The following TTC6 variants were observed in gnomAD, a reference collection of about 807,000 sequenced individuals.
TTC6 encodes the protein tetratricopeptide repeat domain 6.
Under a neutral mutation model 210.4 loss-of-function variants are expected in TTC6, and 172 were observed. That is an observed-to-expected ratio of 0.82 (90% CI 0.72 to 0.93). The LOEUF (loss-of-function observed/expected upper bound fraction) is 0.93, where lower values mean the gene tolerates loss of function less well. Among genes scored for constraint, TTC6 ranks in the 40% least tolerant of loss-of-function variants. TTC6 has a pLI of 0.00. For missense variants in TTC6, 2,414 were observed against 2,318.1 expected, an observed-to-expected ratio of 1.04 and a Z score of -0.85; for synonymous variants, 804 against 819.6, an observed-to-expected ratio of 0.98 and a Z score of 0.32.
chr14:37,638,792 G>T (rs2139374348), intron 1 of TTC6, among the ~76,000 whole-genome samples: 1 of 152,204 alleles, frequency 6.6e-6, no homozygotes, highest in African/African-American at 2.4e-5. Context: ...TCTTAGAACT[G>T]AATATGAATC....
rs796546843 is a variant in TTC6, at chr14:37,762,816, G to A, written c.3266+9581G>A. Among the ~76,000 whole-genome samples the A allele has an allele frequency of 3.3e-5, 5 of 149,724 alleles. No individual in the cohort carries two copies. The South Asian group carries it at 1.1e-3, about 32-fold the overall frequency. ...TTTACACGTGTTGAACCAACCTTGTGTTACTAGGATTAATCCCGCTTGATC... is the reference window on the plus strand; with the variant it reads ...TTTACACGTGTTGAACCAACCTTGTATTACTAGGATTAATCCCGCTTGATC... On this transcript the variant is annotated intron_variant, in intron 14 of 30. Transcript: ENST00000553443.
At position 37,655,980 on chromosome 14, in the gene TTC6, C is replaced by A. The variant is rs114064031; in HGVS notation, c.940-24171C>A. On this transcript the variant is annotated intron_variant, in intron 1 of 30. Transcript: ENST00000553443. ...TTGTAAGGTGTTCATCAATGCCTGG[C>A]ACACTGTAAGTGTTCAATAATAGCT... Among the ~76,000 whole-genome samples, 393 of 152,124 alleles carry A rather than the reference C, an allele frequency of 2.6e-3. 4 individuals carry two copies. The highest frequency in any genetic ancestry group is 8.8e-3 in the African/African-American group (364 of 41,500).
chr14:37,722,858 T>C (rs971807737), intron 6 of TTC6, among the ~76,000 whole-genome samples: 16 of 152,140 alleles, frequency 1.1e-4, no homozygotes, highest in Non-Finnish European at 2.4e-4. Flanking sequence ...AAAGTCACCA[T>C]ACACAGCCAC....
At chr14:37,835,614 T>A (rs1413238813) in intron 29 of TTC6, among the ~76,000 whole-genome samples, 1 of 152,056 alleles carries the variant, frequency 6.6e-6, no homozygotes, top group Non-Finnish European at 1.5e-5. Flanking sequence ...TCTCCATGGA[T>A]GTAAGTATTA....
At chr14:37,740,849 A>C (rs1356281307) in intron 10 of TTC6, among the ~76,000 whole-genome samples, 1 of 152,212 alleles carries the variant, frequency 6.6e-6, no homozygotes, top group African/African-American at 2.4e-5. Flanking sequence ...AATCTTCACC[A>C]TCCTGGAAAG....
rs1183176318 is a variant in TTC6 at position 37,622,796 on chromosome 14, G to GT, written c.734dup (p.Leu245PhefsTer90). ...CCCGCGAGGCGCGGGAAGCGGCGGG[G>GT]TTAGGAGCCCAGGGAGAACAGGAGA... On this transcript the variant is annotated frameshift_variant, in exon 1 of 31. Coordinates refer to ENST00000553443, the Ensembl canonical transcript of TTC6. LOFTEE classifies it high-confidence loss of function. The GT allele has an allele frequency of 4.6e-6, 7 of 1,534,452 alleles. No individual in the cohort carries two copies. The Admixed American group carries it at 1.2e-4, about 26-fold the overall frequency.
intron 20 of TTC6, among the ~76,000 whole-genome samples, chr14:37,804,256 T>G (rs771482530): frequency 2.0e-5 from 3 of 152,200 alleles, no homozygotes; most frequent in Non-Finnish European, 2.9e-5. Context: ...TGGATTAAAA[T>G]TATGTCAGAT....
At chr14:37,653,895 C>T (rs563987828) in intron 1 of TTC6, among the ~76,000 whole-genome samples, 6 of 152,068 alleles carry the variant, frequency 3.9e-5, no homozygotes, top group South Asian at 2.1e-4. Flanking sequence ...TTATAATAGT[C>T]GGTCACAAGA....
intron 14 of TTC6, among the ~76,000 whole-genome samples, chr14:37,785,527 T>C (rs1279610612): frequency 6.6e-6 from 1 of 152,164 alleles, no homozygotes; most frequent in African/African-American, 2.4e-5. Flanking sequence ...TGTAATCTTT[T>C]CTCAAGGTTT....
chr14:37,733,711 CAT>C (rs2095894012), intron 7 of TTC6, among the ~76,000 whole-genome samples: 2 of 152,082 alleles, frequency 1.3e-5, no homozygotes, highest in Admixed American at 1.3e-4. Flanking sequence ...TTATTTATCA[CAT>C]ATTGAAATCC....
chr14:37,603,797 CGT>C, intron 1 of TTC6, among the ~76,000 whole-genome samples: 1 of 152,286 alleles, frequency 6.6e-6, no homozygotes, highest in Middle Eastern at 3.4e-3. Flanking sequence ...CCATTGGGGG[CGT>C]ATTCCATGCA....
At chr14:37,750,855 A>T (rs1408999351) in intron 12 of TTC6, among the ~76,000 whole-genome samples, 198 bp from the exon 15 acceptor site, 1 of 152,140 alleles carries the variant, frequency 6.6e-6, no homozygotes, top group Admixed American at 6.5e-5. Flanking sequence ...GTGCCACTGC[A>T]CTCCAGCCTT....
intron 7 of TTC6, among the ~76,000 whole-genome samples, chr14:37,731,515 G>T (rs1183437318): frequency 6.6e-6 from 1 of 152,100 alleles, no homozygotes; most frequent in Non-Finnish European, 1.5e-5. Flanking sequence ...ACCTCAGCTG[G>T]GTGTTTAAAT....
intron 6 of TTC6, among the ~76,000 whole-genome samples, chr14:37,721,570 A>T (rs1026869419): frequency 6.6e-6 from 1 of 151,878 alleles, no homozygotes; most frequent in Non-Finnish European, 1.5e-5. Context: ...CTTGCCATAT[A>T]CCCAACTCTC....
chr14:37,800,929 A>C (rs2096105103), intron 20 of TTC6, among the ~76,000 whole-genome samples: 1 of 152,156 alleles, frequency 6.6e-6, no homozygotes, highest in Non-Finnish European at 1.5e-5. Context: ...AACACGTACA[A>C]CCTTTCATAA....
exon 1 of TTC6, chr14:37,622,473 C>G (rs1595022130): frequency 1.3e-6 from 2 of 1,535,272 alleles, no homozygotes; most frequent in East Asian, 2.5e-5. Context: ...GAAAAAGCCC[C>G]CAGTCATCGC....
chr14:37,806,289 T>C, intron 21 of TTC6, 72 bp from the exon 24 acceptor site: 1 of 1,382,332 alleles, frequency 7.2e-7, no homozygotes, highest in Non-Finnish European at 9.6e-7. Flanking sequence ...TTATATACTG[T>C]AATTCGTTAA....
chr14:37,821,113 G>C (rs1420318314), intron 26 of TTC6, among the ~76,000 whole-genome samples: 2 of 150,636 alleles, frequency 1.3e-5, no homozygotes, highest in East Asian at 3.9e-4. Context: ...TGTTGCCCAG[G>C]CTGGAGTACA....
At chr14:37,674,610 A>C (rs2095764915) in intron 1 of TTC6, among the ~76,000 whole-genome samples, 2 of 152,290 alleles carry the variant, frequency 1.3e-5, no homozygotes, top group South Asian at 4.1e-4. Context: ...TCAAGATTTG[A>C]AGCCAAAAGC....
Sources: gnomAD v4.1 joint callset for allele counts (sites outside exome capture counted in the v4.1 genomes callset) on GRCh38, gnomAD v4.1.1 for gene constraint, MANE v1.5 for transcripts, NCBI Gene and HGNC (gene_info 2026-07-23, HGNC 2026-07-21) for gene names.